Variants in RNLS observed in about 807,000 individuals in gnomAD.
The protein encoded by RNLS is renalase, FAD dependent amine oxidase, also known as renalase.
In RNLS, 39 loss-of-function variants were observed where a neutral mutation model predicts 39.8. The ratio of observed to expected loss-of-function variants is 0.98; its 90% confidence interval spans 0.76 to 1.28. RNLS has a LOEUF of 1.28. Among genes scored for constraint, RNLS ranks in the 50% most tolerant of loss-of-function variants. RNLS has a pLI of 0.00. For missense variants in RNLS, 410 were observed against 413.3 expected (o/e 0.99, Z 0.07); for synonymous variants, 147 against 150.7 (o/e 0.98, Z 0.18).
chr10:88,486,670 A>T (rs1352522440), intron 4 of RNLS, among the ~76,000 whole-genome samples: 1 of 152,212 alleles, frequency 6.6e-6, no homozygotes, highest in Non-Finnish European at 1.5e-5. Flanking sequence ...ATACTGTCTC[A>T]CACCAGTCAG....
At chr10:88,493,119 C>T (rs1484912594) in intron 4 of RNLS, among the ~76,000 whole-genome samples, 1 of 152,036 alleles carries the variant, frequency 6.6e-6, no homozygotes, top group Non-Finnish European at 1.5e-5. Context: ...CCTACCAGTA[C>T]ATGTTATTTC....
chr10:88,562,607 A>G (rs1590023351), intron 4 of RNLS, among the ~76,000 whole-genome samples: 1 of 152,152 alleles, frequency 6.6e-6, no homozygotes, highest in African/African-American at 2.4e-5. Context: ...TTTGTTGGGC[A>G]TTCTATGAAT....
At chr10:88,230,770 C>T in the RNLS span, among the ~76,000 whole-genome samples, 2 of 152,194 alleles carry the variant, frequency 1.3e-5, no homozygotes, top group South Asian at 2.1e-4. Context: ...TGTTGTGTGT[C>T]AGTGCTGTTC....
At chr10:88,228,027 C>T in the RNLS span, among the ~76,000 whole-genome samples, 6 of 152,234 alleles carry the variant, frequency 3.9e-5, no homozygotes, top group South Asian at 2.1e-4. Context: ...GGAAGAAGGG[C>T]GGAGACTCAC....
At chr10:88,282,676 C>T (rs557009728), downstream of RNLS, among the ~76,000 whole-genome samples, 4 of 152,090 alleles carry the variant, frequency 2.6e-5, no homozygotes, top group African/African-American at 9.6e-5. Flanking sequence ...CCGCCCTCCC[C>T]CCAGTAATAT....
intron 4 of RNLS, among the ~76,000 whole-genome samples, chr10:88,446,848 G>C (rs1354171091): frequency 6.6e-6 from 1 of 152,148 alleles, no homozygotes; most frequent in Non-Finnish European, 1.5e-5. Context: ...GAGATGCAAG[G>C]CTGGTTCAAC....
chr10:88,540,111 A>G (rs2134279503), intron 4 of RNLS, among the ~76,000 whole-genome samples: 1 of 152,276 alleles, frequency 6.6e-6, no homozygotes, highest in East Asian at 1.9e-4. Context: ...ACACATTTTT[A>G]TAACTAAAGG....
At chr10:88,342,259 C>T (rs1848008276) in intron 5 of RNLS, among the ~76,000 whole-genome samples, 1 of 152,170 alleles carries the variant, frequency 6.6e-6, no homozygotes, top group Non-Finnish European at 1.5e-5. Flanking sequence ...GTGTCAGCCA[C>T]AAGCGCCTTT....
At chr10:88,203,472 A>G in the RNLS span, among the ~76,000 whole-genome samples, 5 of 1,402 alleles carry the variant, frequency 3.6e-3, 1 homozygote, top group African/African-American at 0.022. Context: ...ATATATATAT[A>G]TATATATATA....
intron 5 of RNLS, among the ~76,000 whole-genome samples, chr10:88,317,833 C>T (rs1337499425): frequency 6.6e-6 from 1 of 152,164 alleles, no homozygotes; most frequent in Non-Finnish European, 1.5e-5. Flanking sequence ...AAAAAAAAAG[C>T]AGCAAGGGTC....
At chr10:88,297,160 A>T (rs1844151293) in intron 6 of RNLS, among the ~76,000 whole-genome samples, 1 of 152,064 alleles carries the variant, frequency 6.6e-6, no homozygotes, top group South Asian at 2.1e-4. Context: ...TAAATCTCTA[A>T]GAGTGGGGTT....
chr10:88,393,917 A>G lies in RNLS; in HGVS notation c.527-31192T>C, dbSNP rs1852380765. On this transcript the variant is annotated intron_variant, in intron 4 of 6. Transcript: ENST00000331772. ...ATCTACAACTATCTGATCTTTGACA[A>G]ACCTGACAAAAACAAGCAATGGGGA... 2.6e-5 allele frequency among the ~76,000 whole-genome samples: 4 copies of G among 152,332 alleles called. No individual in the cohort carries two copies. In the South Asian group the frequency reaches 8.3e-4, roughly 32 times the overall value.
chr10:88,363,543 C>T (rs1001593037), intron 4 of RNLS, among the ~76,000 whole-genome samples: 1 of 152,050 alleles, frequency 6.6e-6, no homozygotes. Flanking sequence ...ATAATTAAGT[C>T]CCTCTACTTA....
chr10:88,340,643 C>T (rs1383023898), intron 5 of RNLS, among the ~76,000 whole-genome samples: 2 of 151,918 alleles, frequency 1.3e-5, no homozygotes, highest in African/African-American at 4.8e-5. Context: ...AATATATATA[C>T]TCCAGAAATT....
intron 3 of RNLS, among the ~76,000 whole-genome samples, chr10:88,577,689 T>C (rs924068061): frequency 2.0e-5 from 3 of 152,134 alleles, no homozygotes; most frequent in African/African-American, 4.8e-5. Context: ...CTCAAGAAGA[T>C]TGTATTAATG....
At chr10:88,360,477 C>T (rs1046905711) in intron 5 of RNLS, among the ~76,000 whole-genome samples, 4 of 152,204 alleles carry the variant, frequency 2.6e-5, no homozygotes, top group Non-Finnish European at 5.9e-5. Flanking sequence ...CACTGTCACC[C>T]AGGCTGGTGT....
chr10:88,241,513 C>A, the RNLS span, among the ~76,000 whole-genome samples: 1 of 152,086 alleles, frequency 6.6e-6, no homozygotes, highest in African/African-American at 2.4e-5. Context: ...ATGTCTAGTA[C>A]TGTTTATTTC....
At chr10:88,511,259 T>C (rs914722064) in intron 4 of RNLS, among the ~76,000 whole-genome samples, 2 of 152,108 alleles carry the variant, frequency 1.3e-5, no homozygotes, top group Non-Finnish European at 2.9e-5. Flanking sequence ...CCACAGGCGA[T>C]GACAGCAGCT....
chr10:88,401,784 G>T (rs1416161715), intron 4 of RNLS, among the ~76,000 whole-genome samples: 1 of 152,008 alleles, frequency 6.6e-6, no homozygotes, highest in Non-Finnish European at 1.5e-5. Context: ...AAAGCAAAAT[G>T]AGGTGACAGA....
Sources: gnomAD v4.1 joint callset for allele counts (sites outside exome capture counted in the v4.1 genomes callset) on GRCh38, gnomAD v4.1.1 for gene constraint, MANE v1.5 for transcripts, NCBI Gene and HGNC (gene_info 2026-07-23, HGNC 2026-07-21) for gene names.